Variants in CD300LD observed in about 807,000 individuals in gnomAD.
CD300LD encodes CMRF35-like molecule 5.
A neutral mutation model predicts 20.3 loss-of-function variants in CD300LD; 18 were observed. The ratio of observed to expected loss-of-function variants is 0.89; its 90% CI spans 0.61 to 1.32. The LOEUF (loss-of-function observed/expected upper bound fraction) is 1.32, where lower values mean the gene tolerates loss of function less well. Ranked by LOEUF, CD300LD falls within the 40% of genes most tolerant of loss-of-function variation. The probability of loss-of-function intolerance (pLI) is 0.00; values close to 1 mark genes in which losing one functional copy is unlikely to be tolerated. For missense variants in CD300LD, 195 were observed against 226.6 expected (o/e 0.86, Z 0.90); for synonymous variants, 104 against 90.1 (o/e 1.15, Z -0.87).
chr17:74,591,948 A>G (rs1046628415), intron 1 of CD300LD: 11 of 1,351,752 alleles, frequency 8.1e-6, no homozygotes, highest in Non-Finnish European at 1.1e-5. Context: ...ACAAGAAGCT[A>G]TACTTGTTTT....
intron 2 of CD300LD, among the ~76,000 whole-genome samples, chr17:74,585,640 A>C (rs1046351760): frequency 2.6e-5 from 4 of 152,198 alleles, no homozygotes; most frequent in African/African-American, 4.8e-5. Context: ...ACTACAGTTT[A>C]AGTTGCTGAA....
At chr17:74,585,471 G>A (rs1333156788) in intron 2 of CD300LD, among the ~76,000 whole-genome samples, 5 of 152,164 alleles carry the variant, frequency 3.3e-5, no homozygotes, top group Admixed American at 6.5e-5. Context: ...TAGCAGAAAC[G>A]TCTGTACTGC....
chr17:74,587,946 C>G (rs770883921), intron 2 of CD300LD, among the ~76,000 whole-genome samples: 3 of 152,156 alleles, frequency 2.0e-5, no homozygotes, highest in Non-Finnish European at 4.4e-5. Context: ...CCCAAGCGGT[C>G]CTTCAGGGTC....
Position 74,588,482 on chromosome 17 carries a change from G to A in CD300LD, c.379+29C>T, listed in dbSNP as rs553248708. 12 of 1,457,074 alleles carry A rather than the reference G, an allele frequency of 8.2e-6. No individual in the cohort carries two copies. In the East Asian group the frequency reaches 1.8e-4, roughly 22 times the overall value. 90.3% of individuals were successfully genotyped at this position (1,457,074 alleles called of 1,614,324 possible). A position where few individuals can be genotyped will look rare whatever the true frequency, so the allele number is the denominator to read the frequency against. On this transcript the variant is annotated intron_variant, in intron 2 of 3. Coordinates refer to ENST00000375352, the MANE Select transcript of CD300LD (RefSeq NM_001115152.2). ...GACCAGGACAGAGCAGGACCTGAGA[G>A]ACACACACGTATATACACTCCCTCT...
chr17:74,588,499 A>T lies in CD300LD; in HGVS notation c.379+12T>A, dbSNP rs1225957429. ...ACCTGAGAGACACACACGTATATACACTCCCTCTTACCTGGGTTAATGGTC... is the reference window on the plus strand; with the variant it reads ...ACCTGAGAGACACACACGTATATACTCTCCCTCTTACCTGGGTTAATGGTC... On this transcript the variant is annotated intron_variant, in intron 2 of 3. Coordinates refer to ENST00000375352, the MANE Select transcript of CD300LD (RefSeq NM_001115152.2). 6 of 1,574,874 alleles carry T rather than the reference A, an allele frequency of 3.8e-6. No homozygotes were observed. In the African/African-American group the frequency reaches 8.1e-5, roughly 21 times the overall value.
At chr17:74,580,728 T>G (rs1168531613) in intron 3 of CD300LD, among the ~76,000 whole-genome samples, 1 of 152,042 alleles carries the variant, frequency 6.6e-6, no homozygotes, top group Non-Finnish European at 1.5e-5. Flanking sequence ...CGTTGTTTCT[T>G]TCACCTCAGC....
chr17:74,589,748 G>T (rs946241796), intron 1 of CD300LD, among the ~76,000 whole-genome samples: 1 of 152,218 alleles, frequency 6.6e-6, no homozygotes. Context: ...CTAAAGAAAC[G>T]ATTGATTTTG....
At chr17:74,591,971 T>C in intron 1 of CD300LD, 192 bp downstream of exon 1, 2 of 1,494,054 alleles carry the variant, frequency 1.3e-6, no homozygotes, top group Non-Finnish European at 9.0e-7. Flanking sequence ...TTTGTGTGTG[T>C]TTGTTTCTGC....
chr17:74,588,898 G>A (rs1181649235), intron 1 of CD300LD, 49 bp from the exon 2 acceptor site: 3 of 1,399,538 alleles, frequency 2.1e-6, no homozygotes, highest in Non-Finnish European at 3.0e-6. Flanking sequence ...CAAGGGCAGG[G>A]CCACAGCCTC....
intron 1 of CD300LD, among the ~76,000 whole-genome samples, chr17:74,589,693 T>C (rs2030259967): frequency 6.6e-6 from 1 of 152,210 alleles, no homozygotes; most frequent in Non-Finnish European, 1.5e-5. Context: ...AGTGAGAGCT[T>C]TGCCAGAAAT....
At chr17:74,591,261 A>AT (rs1202785849) in intron 1 of CD300LD, among the ~76,000 whole-genome samples, 3 of 107,524 alleles carry the variant, frequency 2.8e-5, no homozygotes, top group East Asian at 4.7e-4. Context: ...AAAAAAAAAA[A>AT]AAATAAAAAT....
At chr17:74,587,555 G>C (rs188812253) in intron 2 of CD300LD, among the ~76,000 whole-genome samples, 1 of 152,112 alleles carries the variant, frequency 6.6e-6, no homozygotes, top group Non-Finnish European at 1.5e-5. Context: ...TATTACTTTT[G>C]TTTTCGATTT....
In CD300LD at chr17:74,588,665, C is replaced by A; in HGVS notation, c.225G>T (p.Lys75Asn). ...TGTCCCTGATGGAAACTCGATTCTTCTTTACCTCCTGCTCTGATCCATTTG... is the reference window on the plus strand; with the variant it reads ...TGTCCCTGATGGAAACTCGATTCTTATTTACCTCCTGCTCTGATCCATTTG... Reference protein sequence around the residue: ...VKTNGSEQEVKKNRVSIRDNQ... With the variant: ...VKTNGSEQEVNKNRVSIRDNQ... The change falls in exon 2 of 4, where the codon AAG (lysine) becomes AAT (asparagine). Residue 75 changes from lysine (K) to asparagine (N), a missense_variant. Coordinates refer to ENST00000375352, the MANE Select transcript of CD300LD (RefSeq NM_001115152.2). The A allele has an allele frequency of 6.2e-7, 1 of 1,614,204 alleles. No individual in the cohort carries two copies. The highest frequency in any genetic ancestry group is 8.5e-7 in the Non-Finnish European group (1 of 1,180,038).
At position 74,592,079 on chromosome 17, in the gene CD300LD, A is replaced by G. The variant is rs370110809; in HGVS notation, c.40+84T>C. ...AATTGGCGCTGTCATTTTCCCTGACATGTCTCCTTCCTGAGAACAGAGCGT... is the reference window on the plus strand; with the variant it reads ...AATTGGCGCTGTCATTTTCCCTGACGTGTCTCCTTCCTGAGAACAGAGCGT... On this transcript the variant is annotated intron_variant, in intron 1 of 3. Transcript: ENST00000375352. The G allele has an allele frequency of 1.9e-5, 31 of 1,612,858 alleles. No homozygotes were observed. The East Asian group carries it at 2.7e-4, about 14-fold the overall frequency.
chr17:74,580,330 G>T (rs1053833799), intron 3 of CD300LD, among the ~76,000 whole-genome samples: 5 of 152,166 alleles, frequency 3.3e-5, no homozygotes, highest in African/African-American at 1.2e-4. Context: ...GGCATTCAAG[G>T]TCCCGTCTGC....
At chr17:74,586,398 A>G (rs531573744) in intron 2 of CD300LD, among the ~76,000 whole-genome samples, 1 of 152,214 alleles carries the variant, frequency 6.6e-6, no homozygotes, top group Non-Finnish European at 1.5e-5. Context: ...GGGATCTTAT[A>G]ATGCAGCCCC....
Position 74,582,285 on chromosome 17 carries a change from TCCATTCTG to T in CD300LD, c.398_405del (p.Ser133TyrfsTer68), listed in dbSNP as rs2030054545. 3 of 1,613,770 alleles carry T rather than the reference TCCATTCTG, an allele frequency of 1.9e-6. No homozygotes were observed. Among genetic ancestry groups the T allele is most frequent in the Non-Finnish European group, 1.7e-6 (2 of 1,179,770 alleles). On this transcript the variant is annotated frameshift_variant, in exon 3 of 4. Transcript: ENST00000375352. LOFTEE classifies it high-confidence loss of function. The stretch of plus-strand genomic sequence containing the variant: ...AAAGCCAGGCTTGCTGTTGTGGTTG[TCCATTCTG>T]AGACTGCAGTTTGTGTGCCTAAACA...
downstream of CD300LD, among the ~76,000 whole-genome samples, chr17:74,578,674 T>G (rs2029969431): frequency 6.6e-6 from 1 of 152,120 alleles, no homozygotes; most frequent in Non-Finnish European, 1.5e-5. Flanking sequence ...CCCAGCATTT[T>G]GGAATGAATG....
At chr17:74,586,476 C>G (rs1368960136) in intron 2 of CD300LD, among the ~76,000 whole-genome samples, 2 of 152,200 alleles carry the variant, frequency 1.3e-5, no homozygotes, top group Middle Eastern at 3.4e-3. Flanking sequence ...CTAGTCAATG[C>G]CACTCAAAAT....
Sources: allele counts gnomAD v4.1 joint callset (sites outside exome capture counted in the v4.1 genomes callset), GRCh38; gene constraint gnomAD v4.1.1; transcripts MANE v1.5; gene names NCBI Gene and HGNC (gene_info 2026-07-23, HGNC 2026-07-21).